KCNH8: variants seen among roughly 807,000 people sequenced by gnomAD.
KCNH8 encodes the protein potassium voltage-gated channel subfamily H member 8.
A neutral mutation model predicts 103.6 loss-of-function variants in KCNH8; 70 were observed. That is an observed-to-expected ratio of 0.68 (90% CI 0.56 to 0.82). KCNH8 has a LOEUF of 0.82. KCNH8 is among the 40% of genes least tolerant of loss of function. The probability of loss-of-function intolerance (pLI) is 0.00; values close to 1 mark genes in which losing one functional copy is unlikely to be tolerated. For synonymous variants in KCNH8, 498 were observed against 489.4 expected (o/e 1.02, Z -0.23); for missense variants, 1,217 against 1,329.9 (o/e 0.92, Z 1.32).
In KCNH8 at chr3:19,395,094, CTTA is replaced by C; in HGVS notation, c.970-9_970-7del. 8.7e-6 allele frequency: 14 copies of C among 1,607,226 alleles called. No homozygotes were observed. The highest frequency in any genetic ancestry group is 1.2e-5 in the Non-Finnish European group (14 of 1,175,492). ...TGCACCAAGTTGTGCTGCTCTGTCT[CTTA>C]CCACAGGTGTCTCTCGTGCATCTTC... On this transcript the variant is annotated splice_region_variant and splice_polypyrimidine_tract_variant and intron_variant, in intron 6 of 15. Coordinates refer to ENST00000328405, the MANE Select transcript of KCNH8 (RefSeq NM_144633.3).
At chr3:19,164,578 A>T (rs1278836141) in intron 1 of KCNH8, among the ~76,000 whole-genome samples, 1 of 152,228 alleles carries the variant, frequency 6.6e-6, no homozygotes, top group Admixed American at 6.5e-5. Flanking sequence ...CATGGTTTTG[A>T]CAATAGCAGG....
In KCNH8 at chr3:19,448,132, T is replaced by G. The variant is rs1261399126; in HGVS notation, c.1376-1974T>G. On this transcript the variant is annotated intron_variant, in intron 8 of 15. Transcript: ENST00000328405. Reference sequence around the variant, plus strand: ...AATTACATAAACTGAGCAAATACTGTTTTTGATACATATACTAGGCACTTT... The same window carrying G: ...AATTACATAAACTGAGCAAATACTGGTTTTGATACATATACTAGGCACTTT... 2.0e-5 allele frequency among the ~76,000 whole-genome samples: 3 copies of G among 151,954 alleles called. No individual in the cohort carries two copies. The East Asian group carries it at 5.8e-4, about 29-fold the overall frequency.
chr3:19,458,716 CTG>C (rs2067573421), intron 11 of KCNH8, among the ~76,000 whole-genome samples: 2 of 151,924 alleles, frequency 1.3e-5, no homozygotes, highest in Admixed American at 6.6e-5. Context: ...AGCTTAAACT[CTG>C]TATCCTTTAA....
At chr3:19,468,033 C>A (rs1222221400) in intron 11 of KCNH8, among the ~76,000 whole-genome samples, 1 of 152,132 alleles carries the variant, frequency 6.6e-6, no homozygotes, top group Non-Finnish European at 1.5e-5. Flanking sequence ...TACTCCTCTG[C>A]CCTTACCTGA....
At chr3:19,262,612 A>T (rs879537716) in intron 2 of KCNH8, among the ~76,000 whole-genome samples, 7 of 152,038 alleles carry the variant, frequency 4.6e-5, no homozygotes, top group African/African-American at 9.7e-5. Flanking sequence ...CAAATTTCAG[A>T]GCAAAAGATG....
intron 7 of KCNH8, among the ~76,000 whole-genome samples, chr3:19,409,232 G>A (rs2066739006): frequency 6.6e-6 from 1 of 152,078 alleles, no homozygotes; most frequent in Non-Finnish European, 1.5e-5. Flanking sequence ...TTAAAGAAAA[G>A]AAATTCCAAT....
At chr3:19,474,790 C>A (rs1324316096) in intron 11 of KCNH8, among the ~76,000 whole-genome samples, 1 of 152,120 alleles carries the variant, frequency 6.6e-6, no homozygotes, top group Non-Finnish European at 1.5e-5. Flanking sequence ...TGCATTTTGC[C>A]AGCATTCATA....
chr3:19,290,313 T>C (rs1450174144), intron 3 of KCNH8, among the ~76,000 whole-genome samples: 1 of 152,230 alleles, frequency 6.6e-6, no homozygotes, highest in African/African-American at 2.4e-5. Context: ...AGGGCATCCC[T>C]GTCTTGTGCC....
intron 11 of KCNH8, among the ~76,000 whole-genome samples, chr3:19,490,867 T>C (rs1432758229): frequency 6.6e-6 from 1 of 152,206 alleles, no homozygotes. Context: ...AGACTCACTG[T>C]AGTTAGCACA....
chr3:19,457,700 G>A (rs2067555431), intron 11 of KCNH8, among the ~76,000 whole-genome samples: 1 of 151,902 alleles, frequency 6.6e-6, no homozygotes, highest in Non-Finnish European at 1.5e-5. Context: ...GCCTTTATAT[G>A]CTGTCTTGAG....
intron 13 of KCNH8, among the ~76,000 whole-genome samples, chr3:19,514,970 A>C (rs1314102977): frequency 6.6e-6 from 1 of 151,892 alleles, no homozygotes; most frequent in East Asian, 1.9e-4. Flanking sequence ...CTACATTTTT[A>C]AGCGTGATAA....
chr3:19,299,354 GA>G (rs2065035275), intron 3 of KCNH8, among the ~76,000 whole-genome samples: 1 of 152,050 alleles, frequency 6.6e-6, no homozygotes, highest in African/African-American at 2.4e-5. Context: ...TCTAAATCAG[GA>G]ACAGTGGCTC....
rs758272449 is a variant in KCNH8, at chr3:19,395,087, T to G, written c.970-17T>G. 1 of 1,567,386 alleles carries G rather than the reference T, an allele frequency of 6.4e-7. No individual in the cohort carries two copies. The highest frequency in any genetic ancestry group is 1.3e-5 in the African/African-American group (1 of 74,310). On this transcript the variant is annotated splice_polypyrimidine_tract_variant and intron_variant, in intron 6 of 15. Transcript: ENST00000328405. ...TAACACATGCACCAAGTTGTGCTGC[T>G]CTGTCTCTTACCACAGGTGTCTCTC...
intron 1 of KCNH8, among the ~76,000 whole-genome samples, chr3:19,234,315 C>T (rs1043670128): frequency 6.6e-6 from 1 of 152,208 alleles, no homozygotes; most frequent in African/African-American, 2.4e-5. Context: ...GTCCATGGGA[C>T]TGGGCGCCGT....
chr3:19,235,559 G>C (rs1034647453), intron 1 of KCNH8, among the ~76,000 whole-genome samples: 1 of 152,098 alleles, frequency 6.6e-6, no homozygotes, highest in African/African-American at 2.4e-5. Flanking sequence ...AATTCTGGAC[G>C]ATAGGCCCTG....
intron 5 of KCNH8, among the ~76,000 whole-genome samples, chr3:19,354,681 T>G (rs1425925423): frequency 2.0e-5 from 3 of 152,164 alleles, no homozygotes; most frequent in Admixed American, 1.3e-4. Context: ...TAGCAATATG[T>G]AGAAAGCTGA....
intron 11 of KCNH8, among the ~76,000 whole-genome samples, chr3:19,509,310 G>A (rs889401567): frequency 6.6e-6 from 1 of 152,122 alleles, no homozygotes; most frequent in Non-Finnish European, 1.5e-5. Context: ...GGAAAAAAAT[G>A]AGGAAAGGGT....
At chr3:19,199,612 G>A (rs1033412221) in intron 1 of KCNH8, among the ~76,000 whole-genome samples, 1 of 149,546 alleles carries the variant, frequency 6.7e-6, no homozygotes, top group African/African-American at 2.4e-5. Context: ...ATATTTTTAT[G>A]TTATGTACAT....
At chr3:19,238,992 CTAAG>C (rs201238462) in intron 1 of KCNH8, among the ~76,000 whole-genome samples, 18 of 151,922 alleles carry the variant, frequency 1.2e-4, no homozygotes, top group Admixed American at 7.9e-4. Context: ...ACAGGACTAA[CTAAG>C]TAATTTTTGA....
Sources: gnomAD v4.1 joint callset for allele counts (sites outside exome capture counted in the v4.1 genomes callset) on GRCh38, gnomAD v4.1.1 for gene constraint, MANE v1.5 for transcripts, NCBI Gene and HGNC (gene_info 2026-07-23, HGNC 2026-07-21) for gene names.